The following BET1L variants were observed in gnomAD, a reference collection of about 807,000 sequenced individuals.
The protein encoded by BET1L is BET1-like protein.
Under a neutral mutation model 12.6 loss-of-function variants are expected in BET1L, and 13 were observed. The observed-to-expected ratio is 1.03, with a 90% confidence interval of 0.67 to 1.64. The LOEUF is 1.64. BET1L is among the 40% of genes most tolerant of loss of function. BET1L has a pLI of 0.00. For missense variants in BET1L, 154 were observed against 150.7 expected, an observed-to-expected ratio of 1.02 and a Z score of -0.11; for synonymous variants, 60 against 56.9, an observed-to-expected ratio of 1.05 and a Z score of -0.25.
Position 207,191 on chromosome 11 carries a change from C to G in BET1L, c.19+112G>C, listed in dbSNP as rs1007498643. 3.6e-6 allele frequency: 5 copies of G among 1,387,356 alleles called. No individual in the cohort carries two copies. In the East Asian group the frequency reaches 1.4e-4, roughly 40 times the overall value. 85.9% of individuals were successfully genotyped at this position (1,387,356 alleles called of 1,614,324 possible). On this transcript the variant is annotated intron_variant, in intron 1 of 3. Transcript: ENST00000382762. ...GAATCCGCCCCCCTGACAGGGTCCT[C>G]TCGGCCGAGGTCACCCCAGCTGGGC...
intron 1 of BET1L, among the ~76,000 whole-genome samples, chr11:206,653 C>A (rs747796722): frequency 2.6e-5 from 4 of 152,156 alleles, no homozygotes; most frequent in Non-Finnish European, 5.9e-5. Context: ...ATGGGGCTTC[C>A]TGCAACACCC....
intron 1 of BET1L, 139 bp downstream of exon 1, chr11:207,164 C>T (rs1209655016): frequency 1.7e-6 from 2 of 1,199,436 alleles, no homozygotes; most frequent in Non-Finnish European, 1.1e-6. Context: ...CCGGAAGGAT[C>T]CGAATCCGCC....
At chr11:206,959 CTCCTAGGG>C in intron 1 of BET1L, 2 of 386,206 alleles carry the variant, frequency 5.2e-6, no homozygotes, top group East Asian at 1.0e-4. Flanking sequence ...ACAGCCTCTA[CTCCTAGGG>C]CCTGGCCTCG....
chr11:206,629 G>C (rs1187245141), intron 1 of BET1L, among the ~76,000 whole-genome samples: 1 of 152,142 alleles, frequency 6.6e-6, no homozygotes, highest in Non-Finnish European at 1.5e-5. Flanking sequence ...CGGGATCCTT[G>C]GTCTGCATCC....
In BET1L at chr11:205,057, T is replaced by TGGGGGAC; in HGVS notation, c.*244_*245insGTCCCCC. The stretch of plus-strand genomic sequence containing the variant: ...CAGCTCTGCCTGGCTCTCTAGCACC[T>TGGGGGAC]GGGGGAGGGGGGAGGGGCTGGGCCT... On this transcript the variant is annotated 3_prime_UTR_variant, in exon 4 of 4. Transcript: ENST00000382762. 2.2e-6 allele frequency: 1 copy of TGGGGGAC among 461,914 alleles called. No homozygotes were observed. The highest frequency in any genetic ancestry group is 3.8e-6 in the Non-Finnish European group (1 of 261,714). 28.6% of individuals were successfully genotyped at this position (461,914 alleles called of 1,614,324 possible). A position where few individuals can be genotyped will look rare whatever the true frequency, so the allele number is the denominator to read the frequency against.
rs1855123728 is a variant in BET1L, at chr11:205,383, C to A, written c.255G>T (p.Arg85=). ...STMARSGQDN[R]KLLCGMAVGL... is the part of the protein sequence containing the mutation. ...CCACGGCCATGCCACATAGAAGCTT[C>A]CGGTTGTCTTGTCCGGACCTTGCCA... The change falls in exon 4 of 4, where the codon CGG becomes CGT. Residue 85 remains arginine (R), a synonymous_variant. Coordinates refer to ENST00000382762, the MANE Select transcript of BET1L (RefSeq NM_001098787.2). 6.2e-7 allele frequency: 1 copy of A among 1,614,208 alleles called. No homozygotes were observed. The highest frequency in any genetic ancestry group is 1.7e-5 in the Admixed American group (1 of 60,024).
rs1286498034 is a variant in BET1L at position 207,393 on chromosome 11, G to A, written c.-72C>T. On this transcript the variant is annotated 5_prime_UTR_variant, in exon 1 of 4. Transcript: ENST00000382762. ...CCGCCTCAGACGTGGCGCAGTCGCG[G>A]GGAAAGAGCTTCCGGCCCCGCCCCC... The A allele has an allele frequency of 4.8e-6, 6 of 1,261,462 alleles. No individual in the cohort carries two copies. The African/African-American group carries it at 1.3e-4, about 28-fold the overall frequency. 78.1% of individuals were successfully genotyped at this position (1,261,462 alleles called of 1,614,324 possible).
Position 203,302 on chromosome 11 carries a change from C to G in BET1L, c.*2000G>C, listed in dbSNP as rs535972911. On this transcript the variant is annotated 3_prime_UTR_variant, in exon 4 of 4. Coordinates refer to ENST00000382762, the MANE Select transcript of BET1L (RefSeq NM_001098787.2). ...TCAGACCCCAAAGTACCTGGGAGAG[C>G]TGCAAACAGCCATGGAGATAAGAGA... The G allele has an allele frequency of 5.3e-5, 8 of 152,374 alleles. 1 individual carries two copies. The highest frequency in any genetic ancestry group is 1.9e-4 in the African/African-American group (8 of 41,566). 9.4% of individuals were successfully genotyped at this position (152,374 alleles called of 1,614,324 possible).
chr11:205,520 C>G (rs770341778), intron 3 of BET1L, 51 bp from the exon 4 acceptor site: 65 of 1,614,076 alleles, frequency 4.0e-5, no homozygotes, highest in Non-Finnish European at 5.2e-5. Context: ...TTTGACCACC[C>G]ACCCGCACCA....
At chr11:206,735 G>A (rs769514599) in intron 1 of BET1L, among the ~76,000 whole-genome samples, 1 of 152,174 alleles carries the variant, frequency 6.6e-6, no homozygotes, top group Non-Finnish European at 1.5e-5. Context: ...TGTCACATCA[G>A]GTGCGTGAGA....
intron 1 of BET1L, 84 bp from the exon 2 acceptor site, chr11:206,127 G>C (rs1564796406): frequency 8.1e-7 from 1 of 1,237,850 alleles, no homozygotes; most frequent in Non-Finnish European, 1.2e-6. Context: ...ATCTGGGTGA[G>C]TCAGAAATCT....
Position 205,473 on chromosome 11 carries a change from A to C in BET1L, c.169-4T>G. 1 of 1,614,200 alleles carries C rather than the reference A, an allele frequency of 6.2e-7. No individual in the cohort carries two copies. Among genetic ancestry groups the C allele is most frequent in the Non-Finnish European group, 8.5e-7 (1 of 1,180,034 alleles). On this transcript the variant is annotated splice_region_variant and splice_polypyrimidine_tract_variant and intron_variant, in intron 3 of 3. Coordinates refer to ENST00000382762, the MANE Select transcript of BET1L (RefSeq NM_001098787.2). ...TCATGCTTGTGAAATCCGAGTCCTA[A>C]GGGAGGAATCCCAGCAAGATCACAC...
chr11:204,948 A>C lies in BET1L; in HGVS notation c.*354T>G. 3.5e-6 allele frequency: 1 copy of C among 288,710 alleles called. No individual in the cohort carries two copies. Among genetic ancestry groups the C allele is most frequent in the Non-Finnish European group, 6.7e-6 (1 of 148,240 alleles). The allele number at this position is 288,710 out of a possible 1,614,324, so 17.9% of individuals were successfully genotyped here. Reference sequence around the variant, plus strand: ...ATGTCAGAGTCCCAAGCGCGGGGAGAAGGGCTGCAAGCCACAGGTGGCCAC... The same window carrying C: ...ATGTCAGAGTCCCAAGCGCGGGGAGCAGGGCTGCAAGCCACAGGTGGCCAC... On this transcript the variant is annotated 3_prime_UTR_variant, in exon 4 of 4. Coordinates refer to ENST00000382762, the MANE Select transcript of BET1L (RefSeq NM_001098787.2).
chr11:205,836 C>A, intron 2 of BET1L, 116 bp downstream of exon 2: 1 of 1,442,768 alleles, frequency 6.9e-7, no homozygotes, highest in Non-Finnish European at 9.6e-7. Flanking sequence ...TGAGCACAGC[C>A]ACGAATTGGA....
At position 205,186 on chromosome 11, in the gene BET1L, A is replaced by T; in HGVS notation, c.*116T>A. 7.5e-7 allele frequency: 1 copy of T among 1,336,742 alleles called. No individual in the cohort carries two copies. The highest frequency in any genetic ancestry group is 1.0e-6 in the Non-Finnish European group (1 of 996,572). 82.8% of individuals were successfully genotyped at this position (1,336,742 alleles called of 1,614,324 possible). A position where few individuals can be genotyped will look rare whatever the true frequency, so the allele number is the denominator to read the frequency against. ...CTGCCACACAGGAAGAAGATTCCTG[A>T]CCCACAATTATCATTGCAAAGGAGT... On this transcript the variant is annotated 3_prime_UTR_variant, in exon 4 of 4. Transcript: ENST00000382762.
rs1280711629 is a variant in BET1L, at chr11:206,027, A to G, written c.36T>C (p.Ala12=). The change falls in exon 2 of 4, where the codon GCT becomes GCC. Residue 12 remains alanine (A), a synonymous_variant. Transcript: ENST00000382762. ...ADWARAQSPG[A]VEEILDRENK... ...TCTCCCGGTCTAGAATCTCTTCCAC[A>G]GCGCCCGGGCTCTGAGCTGAGAAAA... 1 of 1,613,876 alleles carries G rather than the reference A, an allele frequency of 6.2e-7. No individual in the cohort carries two copies.
rs763661819 is a variant in BET1L at position 207,361 on chromosome 11, G to T, written c.-40C>A. 3.2e-6 allele frequency: 5 copies of T among 1,545,004 alleles called. No individual in the cohort carries two copies. The highest frequency in any genetic ancestry group is 1.4e-5 in the African/African-American group (1 of 71,842). ...GCTCCTCGACGCGGACACCGACGCGGCCACAGCCGCCTCAGACGTGGCGCA... is the reference window on the plus strand; with the variant it reads ...GCTCCTCGACGCGGACACCGACGCGTCCACAGCCGCCTCAGACGTGGCGCA... On this transcript the variant is annotated 5_prime_UTR_variant, in exon 1 of 4. Transcript: ENST00000382762.
Position 207,302 on chromosome 11 carries a change from C to T in BET1L, c.19+1G>A. On this transcript the variant is annotated splice_donor_variant, in intron 1 of 3. Transcript: ENST00000382762. LOFTEE classifies it high-confidence loss of function. Reference sequence around the variant, plus strand: ...CAACGGCTCCGCTCTCCCGCGCTCACCCCGAGCCCAGTCCGCCATCGTGCC... The same window carrying T: ...CAACGGCTCCGCTCTCCCGCGCTCATCCCGAGCCCAGTCCGCCATCGTGCC... The T allele has an allele frequency of 6.5e-7, 1 of 1,545,758 alleles. No homozygotes were observed. The highest frequency in any genetic ancestry group is 1.2e-5 in the South Asian group (1 of 84,604).
intron 2 of BET1L, 97 bp from the exon 3 acceptor site, chr11:205,764 C>A: frequency 7.3e-7 from 1 of 1,369,860 alleles, no homozygotes; most frequent in Non-Finnish European, 9.7e-7. Flanking sequence ...AACAACTCTG[C>A]CAGACACAGT....
Sources: allele counts gnomAD v4.1 joint callset (sites outside exome capture counted in the v4.1 genomes callset), GRCh38; gene constraint gnomAD v4.1.1; transcripts MANE v1.5; gene names NCBI Gene and HGNC (gene_info 2026-07-23, HGNC 2026-07-21).